PHLPP1: variants seen among roughly 807,000 people sequenced by gnomAD.
PHLPP1 encodes PH domain and leucine rich repeat protein phosphatase 1.
Under a neutral mutation model 117.2 loss-of-function variants are expected in PHLPP1, and 42 were observed. The ratio of observed to expected loss-of-function variants is 0.36; its 90% confidence interval spans 0.28 to 0.46. PHLPP1 has a LOEUF of 0.46. Among genes scored for constraint, PHLPP1 ranks in the 20% least tolerant of loss-of-function variants. The pLI is 1.00. For missense variants in PHLPP1, 2,084 were observed against 2,241.9 expected, an observed-to-expected ratio of 0.93 and a Z score of 1.42; for synonymous variants, 1,042 against 970.7, an observed-to-expected ratio of 1.07 and a Z score of -1.37.
chr18:62,805,471 C>T (rs1357532086), intron 1 of PHLPP1, among the ~76,000 whole-genome samples: 1 of 152,152 alleles, frequency 6.6e-6, no homozygotes, highest in Non-Finnish European at 1.5e-5. Flanking sequence ...GATCTTCCCA[C>T]CTCAGCTTCC....
chr18:62,865,810 T>G (rs907337907), intron 4 of PHLPP1, among the ~76,000 whole-genome samples: 1 of 152,172 alleles, frequency 6.6e-6, no homozygotes, highest in African/African-American at 2.4e-5. Context: ...ATGTTCTTAC[T>G]TATAAGTGGG....
intron 1 of PHLPP1, among the ~76,000 whole-genome samples, chr18:62,792,212 T>C (rs997337551): frequency 3.3e-5 from 5 of 152,150 alleles, no homozygotes; most frequent in African/African-American, 1.2e-4. Context: ...ACTTGGAGAG[T>C]GTCCCATCTT....
chr18:62,871,698 A>G (rs945348735), intron 4 of PHLPP1, among the ~76,000 whole-genome samples: 1 of 141,754 alleles, frequency 7.1e-6, no homozygotes, highest in Non-Finnish European at 1.5e-5. Context: ...AGGCTGGAGT[A>G]CAGTGGCGTG....
chr18:62,924,068 A>C (rs1006168839), intron 10 of PHLPP1, among the ~76,000 whole-genome samples: 1 of 152,220 alleles, frequency 6.6e-6, no homozygotes, highest in African/African-American at 2.4e-5. Context: ...AACTATAGTG[A>C]AAGGTAGGTT....
chr18:62,966,072 C>A (rs995953207), intron 14 of PHLPP1, among the ~76,000 whole-genome samples: 1 of 152,004 alleles, frequency 6.6e-6, no homozygotes, highest in Non-Finnish European at 1.5e-5. Flanking sequence ...GGCTTTGCAC[C>A]TGGGTTCTAT....
intron 1 of PHLPP1, among the ~76,000 whole-genome samples, chr18:62,765,331 A>T (rs994295776): frequency 6.6e-6 from 1 of 152,118 alleles, no homozygotes; most frequent in Non-Finnish European, 1.5e-5. Context: ...GTTCAGCCCT[A>T]ATGTCACTCC....
At chr18:62,730,717 G>A (rs1260717363) in intron 1 of PHLPP1, among the ~76,000 whole-genome samples, 1 of 151,762 alleles carries the variant, frequency 6.6e-6, no homozygotes, top group Admixed American at 6.6e-5. Flanking sequence ...CTATGAAAAC[G>A]GGAGGCAGAG....
At chr18:62,971,012 G>GGTTGTTTTCTA in intron 14 of PHLPP1, among the ~76,000 whole-genome samples, 1 of 152,238 alleles carries the variant, frequency 6.6e-6, no homozygotes, top group African/African-American at 2.4e-5. Flanking sequence ...TAGAAATCTA[G>GGTTGTTTTCTA]GTTGTTTTCT....
chr18:62,767,793 T>C (rs533943174), intron 1 of PHLPP1, among the ~76,000 whole-genome samples: 2 of 152,196 alleles, frequency 1.3e-5, no homozygotes, highest in Non-Finnish European at 1.5e-5. Flanking sequence ...TTAGAGAAAT[T>C]GTGCTGTTTT....
intron 12 of PHLPP1, among the ~76,000 whole-genome samples, chr18:62,955,134 G>A (rs1910576231): frequency 1.3e-5 from 2 of 152,178 alleles, no homozygotes; most frequent in South Asian, 4.1e-4. Context: ...CAGATAAAAA[G>A]CAAGAAAAGC....
At chr18:62,763,495 A>T (rs1912329389) in intron 1 of PHLPP1, among the ~76,000 whole-genome samples, 1 of 152,152 alleles carries the variant, frequency 6.6e-6, no homozygotes, top group Non-Finnish European at 1.5e-5. Context: ...CGAACACCTC[A>T]TTCAGCCTTT....
intron 1 of PHLPP1, among the ~76,000 whole-genome samples, chr18:62,774,511 A>C (rs1302698470): frequency 6.6e-6 from 1 of 152,244 alleles, no homozygotes; most frequent in Non-Finnish European, 1.5e-5. Context: ...GAGGTCATTT[A>C]GTAAGTCTTC....
At chr18:62,748,249 T>G (rs1460673174) in intron 1 of PHLPP1, among the ~76,000 whole-genome samples, 1 of 98,470 alleles carries the variant, frequency 1.0e-5, no homozygotes, top group Non-Finnish European at 1.8e-5. Context: ...TTTTTTTTGT[T>G]TTTTTTTTTT....
intron 12 of PHLPP1, among the ~76,000 whole-genome samples, chr18:62,949,067 G>A (rs1910378905): frequency 6.6e-6 from 1 of 152,020 alleles, no homozygotes; most frequent in African/African-American, 2.4e-5. Context: ...TTATTATTGA[G>A]TTAATAACTC....
At chr18:62,734,632 C>T (rs1294040869) in intron 1 of PHLPP1, among the ~76,000 whole-genome samples, 1 of 152,168 alleles carries the variant, frequency 6.6e-6, no homozygotes, top group Non-Finnish European at 1.5e-5. Context: ...AAAATTATTT[C>T]AGCCTGTCTG....
chr18:62,895,213 T>C lies in PHLPP1; in HGVS notation c.2213+56T>C, dbSNP rs568212873. ...ATCCAGAAGCCCCAGGGAAGCTGCATTGGGGGTGTGGCACATGAGATTAGT... is the reference window on the plus strand; with the variant it reads ...ATCCAGAAGCCCCAGGGAAGCTGCACTGGGGGTGTGGCACATGAGATTAGT... On this transcript the variant is annotated intron_variant, in intron 5 of 16. Transcript: ENST00000262719. The C allele has an allele frequency of 2.5e-4, 385 of 1,556,562 alleles. No homozygotes were observed. The African/African-American group carries it at 3.0e-3, about 12-fold the overall frequency.
chr18:62,977,859 G>A (rs149266030), intron 16 of PHLPP1, among the ~76,000 whole-genome samples: 104 of 152,312 alleles, frequency 6.8e-4, no homozygotes, highest in African/African-American at 2.4e-3. Flanking sequence ...TCTGAGGGCC[G>A]ATCCTTGATC....
Position 62,715,662 on chromosome 18 carries a change from G to C in PHLPP1, c.-22G>C, listed in dbSNP as rs1599008883. 9 of 1,269,712 alleles carry C rather than the reference G, an allele frequency of 7.1e-6. No individual in the cohort carries two copies. Among genetic ancestry groups the C allele is most frequent in the African/African-American group, 1.5e-5 (1 of 64,760 alleles). The allele number at this position is 1,269,712 out of a possible 1,614,324, so 78.7% of individuals were successfully genotyped here. A position where few individuals can be genotyped will look rare whatever the true frequency, so the allele number is the denominator to read the frequency against. On this transcript the variant is annotated 5_prime_UTR_variant, in exon 1 of 17. Transcript: ENST00000262719. ...CGCCCGCTGCCTCCGGAGCTGGGGG[G>C]GAAACGCGAAGCCCCACTGCAATGG... is the stretch of plus-strand genomic sequence containing the variant.
At chr18:62,955,590 G>T (rs761103030) in intron 12 of PHLPP1, among the ~76,000 whole-genome samples, 3 of 152,198 alleles carry the variant, frequency 2.0e-5, no homozygotes, top group African/African-American at 7.2e-5. Flanking sequence ...TGGGCAGAGG[G>T]GAGGCACAGG....
Sources: allele counts gnomAD v4.1 joint callset (sites outside exome capture counted in the v4.1 genomes callset), GRCh38; gene constraint gnomAD v4.1.1; transcripts MANE v1.5; gene names NCBI Gene and HGNC (gene_info 2026-07-23, HGNC 2026-07-21).